CCSER1: variants seen among roughly 807,000 people sequenced by gnomAD.
The protein encoded by CCSER1 is serine-rich coiled-coil domain-containing protein 1.
Under a neutral mutation model 82.0 loss-of-function variants are expected in CCSER1, and 41 were observed. The observed-to-expected ratio is 0.50, with a 90% CI of 0.39 to 0.65. CCSER1 has a LOEUF of 0.65. CCSER1 is among the 30% of genes least tolerant of loss of function. The pLI, the probability that CCSER1 is intolerant of heterozygous loss-of-function variation, is 0.00. For synonymous variants in CCSER1, 414 were observed against 383.9 expected, an observed-to-expected ratio of 1.08 and a Z score of -0.92; for missense variants, 1,119 against 1,064.2, an observed-to-expected ratio of 1.05 and a Z score of -0.72.
chr4:90,363,177 G>T (rs1039231164), intron 3 of CCSER1, among the ~76,000 whole-genome samples: 3 of 152,010 alleles, frequency 2.0e-5, no homozygotes, highest in Non-Finnish European at 4.4e-5. Flanking sequence ...AATAGCTGTG[G>T]TTCCTGTTTT....
intron 10 of CCSER1, among the ~76,000 whole-genome samples, chr4:91,246,837 C>CACAT (rs1739823737): frequency 6.6e-6 from 1 of 151,108 alleles, no homozygotes; most frequent in South Asian, 2.1e-4. Context: ...TACACACACA[C>CACAT]ACACACACAC....
At chr4:90,382,017 GT>G (rs1749281386) in intron 3 of CCSER1, among the ~76,000 whole-genome samples, 1 of 152,056 alleles carries the variant, frequency 6.6e-6, no homozygotes, top group Non-Finnish European at 1.5e-5. Context: ...GTTAGATGCA[GT>G]AAAAACTGGT....
At chr4:90,738,923 G>A (rs773229707) in intron 7 of CCSER1, among the ~76,000 whole-genome samples, 1 of 152,160 alleles carries the variant, frequency 6.6e-6, no homozygotes, top group Non-Finnish European at 1.5e-5. Context: ...GCCAGTGCCT[G>A]GAATTCAGGA....
At chr4:90,832,536 C>T (rs1761256420) in intron 8 of CCSER1, among the ~76,000 whole-genome samples, 1 of 151,802 alleles carries the variant, frequency 6.6e-6, no homozygotes, top group African/African-American at 2.4e-5. Context: ...CTAAGGTTAC[C>T]AATGTGCACC....
At chr4:90,347,930 C>G (rs2153508546) in intron 3 of CCSER1, among the ~76,000 whole-genome samples, 1 of 152,176 alleles carries the variant, frequency 6.6e-6, no homozygotes, top group South Asian at 2.1e-4. Flanking sequence ...GAATATTATG[C>G]AGCCATAAAA....
At chr4:90,481,076 G>T (rs534266179) in intron 5 of CCSER1, among the ~76,000 whole-genome samples, 1 of 151,984 alleles carries the variant, frequency 6.6e-6, no homozygotes, top group African/African-American at 2.4e-5. Context: ...TGAAGTTCTC[G>T]TTGAAGAGGT....
At chr4:90,585,391 T>C (rs1361992410) in intron 5 of CCSER1, among the ~76,000 whole-genome samples, 3 of 152,180 alleles carry the variant, frequency 2.0e-5, no homozygotes, top group African/African-American at 7.2e-5. Context: ...TAGTTAAATC[T>C]TGATTAAACT....
At chr4:91,393,659 T>C (rs1490302274) in intron 10 of CCSER1, among the ~76,000 whole-genome samples, 1 of 152,106 alleles carries the variant, frequency 6.6e-6, no homozygotes, top group East Asian at 1.9e-4. Context: ...TTCAGCTTAA[T>C]TGGGTTATAG....
At chr4:91,549,925 C>CT (rs35257135) in intron 10 of CCSER1, among the ~76,000 whole-genome samples, 19,944 of 147,550 alleles carry the variant, frequency 0.14, 1,482 homozygotes, top group African/African-American at 0.21. Context: ...GTCATTGCTG[C>CT]TTTTTTTTTT....
intron 4 of CCSER1, among the ~76,000 whole-genome samples, chr4:90,440,227 A>G (rs1578475029): frequency 6.6e-6 from 1 of 152,066 alleles, no homozygotes; most frequent in African/African-American, 2.4e-5. Flanking sequence ...CTGGTCTTAA[A>G]TGCCTGGGCT....
chr4:90,603,759 C>A (rs960176407), intron 5 of CCSER1, among the ~76,000 whole-genome samples: 8 of 152,114 alleles, frequency 5.3e-5, no homozygotes, highest in Non-Finnish European at 1.2e-4. Context: ...TACCAAATTA[C>A]TCTCCAAAAG....
intron 10 of CCSER1, among the ~76,000 whole-genome samples, chr4:91,183,543 A>G (rs1431397840): frequency 2.0e-5 from 3 of 152,200 alleles, no homozygotes; most frequent in Admixed American, 2.0e-4. Context: ...CGTGAGAGGG[A>G]CAATAATTTT....
chr4:91,560,552 T>A (rs78622285), intron 10 of CCSER1, among the ~76,000 whole-genome samples: 1 of 151,460 alleles, frequency 6.6e-6, no homozygotes, highest in African/African-American at 2.4e-5. Context: ...TTTTAAAAAT[T>A]CAAAAGCTTT....
intron 10 of CCSER1, among the ~76,000 whole-genome samples, chr4:91,474,489 T>A (rs1045124480): frequency 1.3e-5 from 2 of 151,526 alleles, no homozygotes; most frequent in Non-Finnish European, 3.0e-5. Context: ...TCTATTCTAT[T>A]CTTAAAACAA....
chr4:91,492,187 C>T (rs1365906535), intron 10 of CCSER1, among the ~76,000 whole-genome samples: 1 of 151,904 alleles, frequency 6.6e-6, no homozygotes, highest in Non-Finnish European at 1.5e-5. Flanking sequence ...ATTATAATGG[C>T]TGGATTTTTA....
At chr4:90,911,841 C>A (rs1352966795) in intron 8 of CCSER1, among the ~76,000 whole-genome samples, 1 of 152,206 alleles carries the variant, frequency 6.6e-6, no homozygotes, top group South Asian at 2.1e-4. Context: ...TATTCCACGC[C>A]TGGCTCAGAG....
chr4:91,275,550 G>A (rs1742364573), intron 10 of CCSER1, among the ~76,000 whole-genome samples: 1 of 151,960 alleles, frequency 6.6e-6, no homozygotes, highest in East Asian at 1.9e-4. Flanking sequence ...AATTGTTTAG[G>A]TTCTTTGTAT....
chr4:90,685,625 C>T (rs539618561), intron 6 of CCSER1, among the ~76,000 whole-genome samples: 3 of 152,210 alleles, frequency 2.0e-5, no homozygotes, highest in Admixed American at 6.5e-5. Flanking sequence ...TCTCTGTGTT[C>T]GGTGAAGTCC....
intron 6 of CCSER1, among the ~76,000 whole-genome samples, chr4:90,642,802 G>A (rs900547675): frequency 6.6e-6 from 1 of 152,068 alleles, no homozygotes; most frequent in Non-Finnish European, 1.5e-5. Context: ...CTGCAATAAG[G>A]TGTGATTGTG....
Sources: gnomAD v4.1 joint callset for allele counts (sites outside exome capture counted in the v4.1 genomes callset) on GRCh38, gnomAD v4.1.1 for gene constraint, MANE v1.5 for transcripts, NCBI Gene and HGNC (gene_info 2026-07-23, HGNC 2026-07-21) for gene names.